The following CALU variants were observed in gnomAD, a reference collection of about 807,000 sequenced individuals.
The protein encoded by CALU is IEF SSP 9302.
A neutral mutation model predicts 37.5 loss-of-function variants in CALU; 13 were observed. That is an observed-to-expected ratio of 0.35 (90% CI 0.23 to 0.55). CALU has a LOEUF of 0.55. Ranked by LOEUF, CALU falls within the 20% of genes least tolerant of loss-of-function variation. The pLI is 0.89. For missense variants in CALU, 282 were observed against 391.7 expected, an observed-to-expected ratio of 0.72 and a Z score of 2.36; for synonymous variants, 114 against 133.8, an observed-to-expected ratio of 0.85 and a Z score of 1.02.
intron 5 of CALU, among the ~76,000 whole-genome samples, chr7:128,765,368 A>G (rs1562881633): frequency 6.6e-6 from 1 of 152,174 alleles, no homozygotes; most frequent in East Asian, 1.9e-4. Context: ...CTGTAGGTGC[A>G]TGCTGCCATG....
intron 2 of CALU, among the ~76,000 whole-genome samples, chr7:128,751,244 C>T (rs895854572): frequency 2.7e-5 from 4 of 146,738 alleles, no homozygotes; most frequent in African/African-American, 1.0e-4. Flanking sequence ...GCCAAGATCG[C>T]ACCACTGCAC....
intron 6 of CALU, 52 bp from the exon 7 acceptor site, chr7:128,769,011 T>A: frequency 9.3e-7 from 1 of 1,080,834 alleles, no homozygotes; most frequent in South Asian, 1.3e-5. Flanking sequence ...TGTTTCTGAA[T>A]TTTTAATGGG....
chr7:128,746,486 C>A (rs1800444384), intron 1 of CALU, among the ~76,000 whole-genome samples: 1 of 151,678 alleles, frequency 6.6e-6, no homozygotes, highest in Admixed American at 6.6e-5. Flanking sequence ...GAGATAGGAT[C>A]TCTGTCACCC....
Position 128,759,792 on chromosome 7 carries a change from G to A in CALU, c.583G>A (p.Glu195Lys). The A allele has an allele frequency of 7.6e-7, 1 of 1,321,240 alleles. No homozygotes were observed. Among genetic ancestry groups the A allele is most frequent in the Non-Finnish European group, 1.1e-6 (1 of 913,624 alleles). The allele number at this position is 1,321,240 out of a possible 1,614,324, so 81.8% of individuals were successfully genotyped here. The change falls in exon 5 of 7, where the codon GAA (glutamate) becomes AAA (lysine). Residue 195 changes from glutamate (E) to lysine (K), a missense_variant and splice_region_variant. Physicochemically the swap from Glu to Lys is moderately conservative, Grantham distance 56. Transcript: ENST00000249364. ...YDYMKDIVVQETMEDIDKNAD... is the reference protein window; with the variant it reads ...YDYMKDIVVQKTMEDIDKNAD... ...TCTCTTCTTATTCTTTCCTGTTTAG[G>A]AAACAATGGAAGATATAGATAAGAA...
chr7:128,760,726 G>C (rs1174916390), intron 5 of CALU, among the ~76,000 whole-genome samples: 6 of 152,202 alleles, frequency 3.9e-5, no homozygotes, highest in Admixed American at 2.6e-4. Context: ...GGCTAACACA[G>C]TGAAACCCTG....
chr7:128,742,666 G>T (rs887529370), intron 1 of CALU, among the ~76,000 whole-genome samples: 2 of 152,212 alleles, frequency 1.3e-5, no homozygotes, highest in Non-Finnish European at 2.9e-5. Context: ...GTTCTTACCT[G>T]AAGGGTGGGG....
intron 6 of CALU, 51 bp from the exon 7 acceptor site, chr7:128,769,012 T>A: frequency 9.2e-7 from 1 of 1,088,368 alleles, no homozygotes. Context: ...GTTTCTGAAT[T>A]TTTAATGGGA....
intron 1 of CALU, among the ~76,000 whole-genome samples, chr7:128,744,549 C>A (rs988500512): frequency 6.6e-6 from 1 of 151,816 alleles, no homozygotes; most frequent in African/African-American, 2.4e-5. Flanking sequence ...TTTCATTCCT[C>A]CCTGCAGAAA....
intron 1 of CALU, 41 bp from the exon 2 acceptor site, chr7:128,748,532 C>T (rs1403090813): frequency 2.7e-6 from 4 of 1,454,602 alleles, no homozygotes; most frequent in Non-Finnish European, 3.8e-6. Context: ...AGTTATTAAG[C>T]ATACTGCCTC....
Position 128,772,778 on chromosome 7 carries a change from G to A in CALU, c.*3611G>A. 5 of 1,391,312 alleles carry A rather than the reference G, an allele frequency of 3.6e-6. No individual in the cohort carries two copies. The highest frequency in any genetic ancestry group is 5.0e-6 in the Non-Finnish European group (5 of 990,218). 86.2% of individuals were successfully genotyped at this position (1,391,312 alleles called of 1,614,324 possible). On this transcript the variant is annotated 3_prime_UTR_variant, in exon 7 of 7. Coordinates refer to ENST00000249364, the MANE Select transcript of CALU (RefSeq NM_001219.5). The stretch of plus-strand genomic sequence containing the variant: ...TGCTTTGTACCCAGAATGCCCTTAG[G>A]TGGTTTTGAATCTATCTTCCCCATC...
rs188014184 is a variant in CALU, at chr7:128,748,904, A to G, written c.221+100A>G. 30 of 728,092 alleles carry G rather than the reference A, an allele frequency of 4.1e-5. 1 individual carries two copies. The highest frequency in any genetic ancestry group is 2.2e-4 in the Admixed American group (8 of 35,798). 45.1% of individuals were successfully genotyped at this position (728,092 alleles called of 1,614,324 possible). A position where few individuals can be genotyped will look rare whatever the true frequency, so the allele number is the denominator to read the frequency against. The stretch of plus-strand genomic sequence containing the variant: ...CTCAGTTATGAGTAAAGTTATATTG[A>G]ACTATTAATACATCTTCTGAAAGCT... On this transcript the variant is annotated intron_variant, in intron 2 of 6. Transcript: ENST00000249364.
intron 2 of CALU, among the ~76,000 whole-genome samples, chr7:128,750,152 C>T (rs184703706): frequency 0.05 from 7,367 of 146,710 alleles, 254 homozygotes; most frequent in Non-Finnish European, 0.069. Flanking sequence ...GGCGTGAACC[C>T]GGGAGGTGGA....
intron 6 of CALU, among the ~76,000 whole-genome samples, 200 bp from the exon 7 acceptor site, chr7:128,768,863 A>AAAAAAAAAAAAAAAAAC (rs1554368156): frequency 8.1e-5 from 12 of 148,046 alleles, no homozygotes; most frequent in African/African-American, 2.9e-4. Flanking sequence ...AAAAAAAAAA[A>AAAAAAAAAAAAAAAAAC]AAAAACAAGG....
At position 128,769,185 on chromosome 7, in the gene CALU, A is replaced by G. The variant is rs780217565; in HGVS notation, c.*18A>G. 3.9e-6 allele frequency: 5 copies of G among 1,267,362 alleles called. No homozygotes were observed. In the South Asian group the frequency reaches 6.3e-5, roughly 16 times the overall value. 78.5% of individuals were successfully genotyped at this position (1,267,362 alleles called of 1,614,324 possible). On this transcript the variant is annotated 3_prime_UTR_variant, in exon 7 of 7. Transcript: ENST00000249364. ...AGTTCTGAGCTACGGAGGAACCCTC[A>G]TTTCCTCAAAAGTAATTTATTTTTA...
chr7:128,757,866 A>G (rs73236101), intron 3 of CALU, among the ~76,000 whole-genome samples: 9,049 of 152,028 alleles, frequency 0.06, 310 homozygotes, highest in Non-Finnish European at 0.069. Flanking sequence ...GCTCGATGTC[A>G]TAACAGATGG....
intron 2 of CALU, among the ~76,000 whole-genome samples, chr7:128,752,580 T>C (rs1454502063): frequency 6.6e-6 from 1 of 152,222 alleles, no homozygotes; most frequent in Non-Finnish European, 1.5e-5. Flanking sequence ...CTTTTCAATA[T>C]TGGTATAGCT....
chr7:128,763,686 T>G (rs1397744903), intron 5 of CALU, among the ~76,000 whole-genome samples: 1 of 152,220 alleles, frequency 6.6e-6, no homozygotes, highest in African/African-American at 2.4e-5. Flanking sequence ...TTCAGAACTT[T>G]CCAATCTGTA....
intron 5 of CALU, among the ~76,000 whole-genome samples, chr7:128,761,180 T>G (rs765939157): frequency 1.3e-5 from 2 of 152,192 alleles, no homozygotes; most frequent in Admixed American, 6.5e-5. Flanking sequence ...TGTCACACCT[T>G]CAAGGCTAAT....
Position 128,767,610 on chromosome 7 carries a change from A to T in CALU, c.798A>T (p.Ala266=), listed in dbSNP as rs1157129911. The change falls in exon 6 of 7, where the codon GCA becomes GCT. Residue 266 remains alanine (A), a synonymous_variant. Coordinates refer to ENST00000249364, the MANE Select transcript of CALU (RefSeq NM_001219.5). ...TCCTTCCCTCAGACTATGATCATGC[A>T]GAGGCAGAAGCCAGGCACCTGGTCT... The part of the protein sequence containing the change: ...DWILPSDYDH[A]EAEARHLVYE... The T allele has an allele frequency of 6.2e-7, 1 of 1,614,232 alleles. No homozygotes were observed. The highest frequency in any genetic ancestry group is 1.7e-5 in the Admixed American group (1 of 60,024).
Sources: gnomAD v4.1 joint callset for allele counts (sites outside exome capture counted in the v4.1 genomes callset) on GRCh38, gnomAD v4.1.1 for gene constraint, MANE v1.5 for transcripts, NCBI Gene and HGNC (gene_info 2026-07-23, HGNC 2026-07-21) for gene names.